Variants in C1QTNF7 observed in about 807,000 individuals in gnomAD.
The protein encoded by C1QTNF7 is complement C1q tumor necrosis factor-related protein 7.
A neutral mutation model predicts 19.6 loss-of-function variants in C1QTNF7; 15 were observed. The ratio of observed to expected loss-of-function variants is 0.76; its 90% CI spans 0.51 to 1.18. The LOEUF (loss-of-function observed/expected upper bound fraction) is 1.18, where lower values mean the gene tolerates loss of function less well. Ranked by LOEUF, C1QTNF7 falls within the 50% of genes most tolerant of loss-of-function variation. The probability of loss-of-function intolerance (pLI) is 0.00; values close to 1 mark genes in which losing one functional copy is unlikely to be tolerated. For synonymous variants in C1QTNF7, 142 were observed against 137.5 expected, an observed-to-expected ratio of 1.03 and a Z score of -0.23; for missense variants, 324 against 359.7, an observed-to-expected ratio of 0.90 and a Z score of 0.80.
chr4:15,368,919 G>A (rs1284060433), intron 1 of C1QTNF7, among the ~76,000 whole-genome samples: 1 of 152,174 alleles, frequency 6.6e-6, no homozygotes, highest in East Asian at 1.9e-4. Flanking sequence ...CCAACCAAAT[G>A]GTGAATGTAA....
At chr4:15,441,683 C>A (rs913405867) in intron 2 of C1QTNF7, among the ~76,000 whole-genome samples, 7 of 152,122 alleles carry the variant, frequency 4.6e-5, no homozygotes, top group Admixed American at 1.3e-4. Context: ...TAAATTCTGA[C>A]GAAAATTTTC....
chr4:15,366,063 C>T (rs566178817), intron 1 of C1QTNF7, among the ~76,000 whole-genome samples: 15 of 152,138 alleles, frequency 9.9e-5, no homozygotes, highest in Non-Finnish European at 1.9e-4. Context: ...TAACACAGAT[C>T]CCAGCACATG....
chr4:15,412,776 G>A (rs1719452408), intron 1 of C1QTNF7, among the ~76,000 whole-genome samples: 1 of 152,232 alleles, frequency 6.6e-6, no homozygotes, highest in African/African-American at 2.4e-5. Context: ...AAGTGCATCT[G>A]CGTAACTACT....
At chr4:15,421,130 T>C (rs1003401668) in intron 1 of C1QTNF7, among the ~76,000 whole-genome samples, 1 of 151,924 alleles carries the variant, frequency 6.6e-6, no homozygotes, top group African/African-American at 2.4e-5. Flanking sequence ...GGCCCCCCAT[T>C]ATCCGGATAA....
At chr4:15,368,929 A>T (rs1560344665) in intron 1 of C1QTNF7, among the ~76,000 whole-genome samples, 2 of 152,238 alleles carry the variant, frequency 1.3e-5, no homozygotes, top group Admixed American at 6.5e-5. Flanking sequence ...GGTGAATGTA[A>T]AGCGAAGATC....
intron 1 of C1QTNF7, among the ~76,000 whole-genome samples, chr4:15,354,480 C>T (rs4549374): frequency 0.47 from 71,370 of 151,680 alleles, 18,044 homozygotes; most frequent in African/African-American, 0.65. Flanking sequence ...CAGAAGTATC[C>T]CATGACATCT....
chr4:15,429,418 G>T (rs1220612428), intron 1 of C1QTNF7, among the ~76,000 whole-genome samples: 5 of 152,096 alleles, frequency 3.3e-5, no homozygotes, highest in Admixed American at 3.3e-4. Context: ...CTCCAACAGT[G>T]AGTATTCTAC....
chr4:15,419,585 T>C (rs1011733187), intron 1 of C1QTNF7, among the ~76,000 whole-genome samples: 1 of 152,228 alleles, frequency 6.6e-6, no homozygotes, highest in Non-Finnish European at 1.5e-5. Context: ...AACAGTGGTA[T>C]AGTTCTGAGA....
chr4:15,360,220 A>T (rs948631464), intron 1 of C1QTNF7, among the ~76,000 whole-genome samples: 1 of 151,790 alleles, frequency 6.6e-6, no homozygotes, highest in African/African-American at 2.4e-5. Context: ...TTCTATGGGT[A>T]AACTAACCCA....
At chr4:15,355,934 T>A (rs1204697642) in intron 1 of C1QTNF7, among the ~76,000 whole-genome samples, 2 of 152,102 alleles carry the variant, frequency 1.3e-5, no homozygotes, top group African/African-American at 4.8e-5. Context: ...CATAGCTCAC[T>A]GCAGCCTCTA....
At chr4:15,388,097 T>C (rs1718408896) in intron 1 of C1QTNF7, among the ~76,000 whole-genome samples, 1 of 152,182 alleles carries the variant, frequency 6.6e-6, no homozygotes, top group Non-Finnish European at 1.5e-5. Flanking sequence ...TGGTGGGAGA[T>C]TGTATATCTT....
chr4:15,436,141 C>T (rs1376552449), intron 2 of C1QTNF7, among the ~76,000 whole-genome samples, 160 bp downstream of exon 2: 1 of 152,208 alleles, frequency 6.6e-6, no homozygotes, highest in Non-Finnish European at 1.5e-5. Flanking sequence ...CAGATGCTTC[C>T]CTAAACTCTG....
chr4:15,378,354 TCAGAAAA>T (rs1452284436), intron 1 of C1QTNF7, among the ~76,000 whole-genome samples: 1 of 152,206 alleles, frequency 6.6e-6, no homozygotes, highest in East Asian at 1.9e-4. Context: ...TAGACTCTGC[TCAGAAAA>T]CTCTGCTTTG....
intron 1 of C1QTNF7, among the ~76,000 whole-genome samples, chr4:15,420,750 G>C (rs1334480543): frequency 1.4e-5 from 2 of 144,356 alleles, no homozygotes; most frequent in African/African-American, 5.0e-5. Flanking sequence ...ACTCCACAAA[G>C]AAATGTCAGT....
At chr4:15,393,945 G>A (rs909221435) in intron 1 of C1QTNF7, among the ~76,000 whole-genome samples, 25 of 144,808 alleles carry the variant, frequency 1.7e-4, no homozygotes, top group Admixed American at 9.1e-4. Flanking sequence ...TTCCTACATC[G>A]TATAGTGACT....
chr4:15,358,770 G>A (rs1038007562), intron 1 of C1QTNF7: 2 of 152,218 alleles, frequency 1.3e-5, no homozygotes, highest in Non-Finnish European at 2.9e-5. Context: ...ATGGCAATGT[G>A]TAAGTGCCTC....
chr4:15,382,083 G>C (rs1718170059), intron 1 of C1QTNF7, among the ~76,000 whole-genome samples: 1 of 152,170 alleles, frequency 6.6e-6, no homozygotes, highest in Non-Finnish European at 1.5e-5. Flanking sequence ...TTGTTTCCAA[G>C]GGATATAATT....
intron 1 of C1QTNF7, among the ~76,000 whole-genome samples, chr4:15,371,339 G>C (rs1205224539): frequency 6.6e-6 from 1 of 152,220 alleles, no homozygotes; most frequent in Non-Finnish European, 1.5e-5. Context: ...GTTCTTGGGC[G>C]TATGCTTGCT....
chr4:15,341,925 C>CCA (rs1435701268), intron 1 of C1QTNF7, among the ~76,000 whole-genome samples: 13 of 152,354 alleles, frequency 8.5e-5, no homozygotes, highest in African/African-American at 2.6e-4. Context: ...AACTTCCTCA[C>CCA]GGGCTCCAAT....
Sources: gnomAD v4.1 joint callset for allele counts (sites outside exome capture counted in the v4.1 genomes callset) on GRCh38, gnomAD v4.1.1 for gene constraint, MANE v1.5 for transcripts, NCBI Gene and HGNC (gene_info 2026-07-23, HGNC 2026-07-21) for gene names.